Variants in RPAP2 observed in about 807,000 individuals in gnomAD.
RPAP2 encodes RNA polymerase II associated protein 2.
A neutral mutation model predicts 73.1 loss-of-function variants in RPAP2; 52 were observed. The observed-to-expected ratio is 0.71, with a 90% confidence interval of 0.57 to 0.90. The LOEUF is 0.90. Among genes scored for constraint, RPAP2 ranks in the 40% least tolerant of loss-of-function variants. RPAP2 has a pLI of 0.00. For synonymous variants in RPAP2, 225 were observed against 242.1 expected (o/e 0.93, Z 0.65); for missense variants, 598 against 701.8 (o/e 0.85, Z 1.67).
At chr1:92,302,590 ATTTTTTT>A (rs36067595) in intron 3 of RPAP2, among the ~76,000 whole-genome samples, 10 of 74,336 alleles carry the variant, frequency 1.3e-4, no homozygotes, top group African/African-American at 4.0e-4. Context: ...TCCGCATTAA[ATTTTTTT>A]TTTTTTTTTT....
intron 8 of RPAP2, among the ~76,000 whole-genome samples, chr1:92,326,174 G>A (rs1378712926): frequency 1.3e-5 from 2 of 151,810 alleles, no homozygotes; most frequent in East Asian, 3.9e-4. Flanking sequence ...TTGATTCCAT[G>A]TCCTCCCTGG....
intron 5 of RPAP2, among the ~76,000 whole-genome samples, chr1:92,305,481 A>G (rs994600320): frequency 6.7e-6 from 1 of 149,062 alleles, no homozygotes; most frequent in Non-Finnish European, 1.5e-5. Flanking sequence ...AACTTGGGGT[A>G]GAGAGACTTC....
In RPAP2 at chr1:92,323,590, G is replaced by A. The variant is rs777989821; in HGVS notation, c.670G>A (p.Val224Ile). The A allele has an allele frequency of 6.2e-7, 1 of 1,613,968 alleles. No homozygotes were observed. The highest frequency in any genetic ancestry group is 1.1e-5 in the South Asian group (1 of 91,074). The change falls in exon 8 of 13, where the codon GTT becomes ATT. Residue 224 changes from valine (V) to isoleucine (I), a missense_variant. Coordinates refer to ENST00000610020, the MANE Select transcript of RPAP2 (RefSeq NM_024813.3). ...TAGCAGTGACAATGAGCAAGACTTT[G>A]TTTCCTCCATTCTACCAGGAAACAG... ...DSSSDNEQDFVSSILPGNRPN... is the reference protein window; with the variant it reads ...DSSSDNEQDFISSILPGNRPN...
intron 11 of RPAP2, among the ~76,000 whole-genome samples, chr1:92,363,105 A>G (rs1488178870): frequency 6.6e-6 from 1 of 152,180 alleles, no homozygotes; most frequent in Non-Finnish European, 1.5e-5. Flanking sequence ...AAGCCTTTTT[A>G]TAATTTGAAG....
At chr1:92,313,748 A>C (rs1426752861) in intron 6 of RPAP2, among the ~76,000 whole-genome samples, 1 of 152,188 alleles carries the variant, frequency 6.6e-6, no homozygotes, top group African/African-American at 2.4e-5. Flanking sequence ...TCTTCCTCCA[A>C]TATAAGGCTG....
At chr1:92,384,635 A>G (rs1369389356) in intron 12 of RPAP2, among the ~76,000 whole-genome samples, 5 of 151,902 alleles carry the variant, frequency 3.3e-5, no homozygotes, top group Non-Finnish European at 7.4e-5. Context: ...AAAAAAAAAA[A>G]AAAGGAATTA....
intron 11 of RPAP2, among the ~76,000 whole-genome samples, chr1:92,377,379 C>T (rs1273829795): frequency 2.6e-5 from 4 of 151,968 alleles, no homozygotes; most frequent in African/African-American, 7.3e-5. Flanking sequence ...ATTAGCTGGG[C>T]GTGGTGGCAC....
chr1:92,383,571 G>A (rs1332366378), intron 12 of RPAP2, among the ~76,000 whole-genome samples: 1 of 152,222 alleles, frequency 6.6e-6, no homozygotes, highest in African/African-American at 2.4e-5. Flanking sequence ...CTGTTTGTCT[G>A]TTATTGGTGT....
At chr1:92,377,822 T>A (rs1655454059) in intron 11 of RPAP2, among the ~76,000 whole-genome samples, 1 of 152,228 alleles carries the variant, frequency 6.6e-6, no homozygotes. Context: ...GATTTCTTTA[T>A]AAACAGAAAT....
At chr1:92,365,002 G>A (rs1654880517) in intron 11 of RPAP2, among the ~76,000 whole-genome samples, 2 of 152,216 alleles carry the variant, frequency 1.3e-5, no homozygotes, top group Admixed American at 1.3e-4. Flanking sequence ...TTCACATTAT[G>A]TCCACTGACT....
At chr1:92,372,021 T>A (rs1655178064) in intron 11 of RPAP2, among the ~76,000 whole-genome samples, 1 of 151,830 alleles carries the variant, frequency 6.6e-6, no homozygotes, top group African/African-American at 2.4e-5. Flanking sequence ...CACATAAAAA[T>A]AAGTATATGA....
intron 10 of RPAP2, among the ~76,000 whole-genome samples, chr1:92,343,262 C>T (rs1653697915): frequency 2.6e-5 from 4 of 152,094 alleles, no homozygotes; most frequent in Non-Finnish European, 4.4e-5. Flanking sequence ...ATGAGGGTTG[C>T]GAAATGTCCG....
intron 1 of RPAP2, among the ~76,000 whole-genome samples, 167 bp downstream of exon 1, chr1:92,299,313 G>T (rs1384187797): frequency 6.6e-6 from 1 of 152,188 alleles, no homozygotes; most frequent in Non-Finnish European, 1.5e-5. Context: ...TCCTGGGAAA[G>T]ATTTCCTGGC....
At chr1:92,360,017 A>G (rs1202021688) in intron 11 of RPAP2, among the ~76,000 whole-genome samples, 2 of 152,074 alleles carry the variant, frequency 1.3e-5, no homozygotes, top group African/African-American at 4.8e-5. Context: ...GTAGTGTTCC[A>G]CTCACCAACG....
chr1:92,367,402 G>C (rs1455642112), intron 11 of RPAP2, among the ~76,000 whole-genome samples: 1 of 152,148 alleles, frequency 6.6e-6, no homozygotes, highest in Non-Finnish European at 1.5e-5. Flanking sequence ...ATACCCATTT[G>C]TTTTAATTGG....
intron 12 of RPAP2, 145 bp downstream of exon 12, chr1:92,381,018 A>C: frequency 1.6e-6 from 1 of 611,240 alleles, no homozygotes; most frequent in South Asian, 2.3e-5. Flanking sequence ...GATATCCCTT[A>C]GTTCTCAACT....
intron 5 of RPAP2, among the ~76,000 whole-genome samples, chr1:92,306,448 A>T (rs1371940298): frequency 2.0e-5 from 3 of 152,246 alleles, no homozygotes; most frequent in Non-Finnish European, 2.9e-5. Context: ...TAGCAAAAAA[A>T]TTAGAAACAA....
intron 11 of RPAP2, among the ~76,000 whole-genome samples, chr1:92,353,040 G>T (rs1451394619): frequency 1.3e-5 from 2 of 152,040 alleles, no homozygotes; most frequent in Admixed American, 6.6e-5. Flanking sequence ...TCCTTTTTAT[G>T]GCCAAATAAT....
At chr1:92,310,937 A>C (rs1002930575) in intron 6 of RPAP2, among the ~76,000 whole-genome samples, 2 of 152,214 alleles carry the variant, frequency 1.3e-5, no homozygotes, top group Non-Finnish European at 2.9e-5. Flanking sequence ...TCTTATTGAA[A>C]TGACTTCCAA....
Sources: gnomAD v4.1 joint callset for allele counts (sites outside exome capture counted in the v4.1 genomes callset) on GRCh38, gnomAD v4.1.1 for gene constraint, MANE v1.5 for transcripts, NCBI Gene and HGNC (gene_info 2026-07-23, HGNC 2026-07-21) for gene names.